ANKRD30B: variants seen among roughly 807,000 people sequenced by gnomAD.
The protein encoded by ANKRD30B is ankyrin repeat domain-containing protein 30B.
Under a neutral mutation model 202.2 loss-of-function variants are expected in ANKRD30B, and 144 were observed. The observed-to-expected ratio is 0.71, with a 90% CI of 0.62 to 0.82. The LOEUF is 0.82. ANKRD30B is among the 40% of genes least tolerant of loss of function. The pLI, the probability that ANKRD30B is intolerant of heterozygous loss-of-function variation, is 0.00. For missense variants in ANKRD30B, 1,487 were observed against 1,669.1 expected (o/e 0.89, Z 1.90); for synonymous variants, 508 against 561.3 (o/e 0.91, Z 1.34).
intron 4 of ANKRD30B, among the ~76,000 whole-genome samples, chr18:14,756,433 C>T (rs1490944234): frequency 2.0e-5 from 3 of 152,122 alleles, no homozygotes; most frequent in African/African-American, 4.8e-5. Flanking sequence ...TCAATTTTGG[C>T]TTTTGTTGCC....
chr18:14,852,511 T>G lies in ANKRD30B; in HGVS notation c.4476+91T>G, dbSNP rs571585184. On this transcript the variant is annotated intron_variant, in intron 42 of 43. Transcript: ENST00000690538. ...GAATCTAGTTGAATATATATATATA[T>G]AAATAGATGATAAATGTACTTACTA... 7 of 1,361,246 alleles carry G rather than the reference T, an allele frequency of 5.1e-6. No individual in the cohort carries two copies. In the African/African-American group the frequency reaches 1.0e-4, roughly 20 times the overall value. The allele number at this position is 1,361,246 out of a possible 1,614,324, so 84.3% of individuals were successfully genotyped here. A position where few individuals can be genotyped will look rare whatever the true frequency, so the allele number is the denominator to read the frequency against.
chr18:14,893,158 C>A, the ANKRD30B span, among the ~76,000 whole-genome samples: 1 of 152,134 alleles, frequency 6.6e-6, no homozygotes, highest in Admixed American at 6.5e-5. Context: ...AGAATCAGTA[C>A]CTTATCAACC....
At chr18:14,869,660 C>T in the ANKRD30B span, among the ~76,000 whole-genome samples, 1 of 151,276 alleles carries the variant, frequency 6.6e-6, no homozygotes, top group South Asian at 2.1e-4. Context: ...GTATAATTAG[C>T]TGCTACATTG....
chr18:14,937,429 G>A, the ANKRD30B span, among the ~76,000 whole-genome samples: 2 of 123,232 alleles, frequency 1.6e-5, no homozygotes, highest in East Asian at 2.5e-4. Flanking sequence ...CCGCCGGTTT[G>A]TATAAGCAGG....
At chr18:14,777,544 C>T (rs1333384876) in intron 9 of ANKRD30B, among the ~76,000 whole-genome samples, 1 of 151,984 alleles carries the variant, frequency 6.6e-6, no homozygotes. Flanking sequence ...GATCCCCCCA[C>T]CTTGGCCTCC....
intron 4 of ANKRD30B, among the ~76,000 whole-genome samples, chr18:14,757,426 A>C (rs767337217): frequency 3.3e-5 from 5 of 152,224 alleles, no homozygotes; most frequent in Admixed American, 6.5e-5. Flanking sequence ...ACTACTACTA[A>C]TATCATTATT....
intron 9 of ANKRD30B, among the ~76,000 whole-genome samples, chr18:14,772,990 C>A (rs1328311096): frequency 6.6e-6 from 1 of 152,002 alleles, no homozygotes; most frequent in African/African-American, 2.4e-5. Flanking sequence ...AATGTAAATT[C>A]TGTTTCTCAG....
the ANKRD30B span, among the ~76,000 whole-genome samples, chr18:14,924,527 G>A: frequency 6.6e-6 from 1 of 152,218 alleles, no homozygotes; most frequent in African/African-American, 2.4e-5. Flanking sequence ...GGCATCTCAA[G>A]GGGGACTGTC....
At chr18:14,793,214 T>A (rs1241350024) in intron 16 of ANKRD30B, among the ~76,000 whole-genome samples, 1 of 152,022 alleles carries the variant, frequency 6.6e-6, no homozygotes, top group East Asian at 1.9e-4. Context: ...TCCAAGTATA[T>A]ATCCAAGCTG....
At chr18:14,874,118 G>A in the ANKRD30B span, among the ~76,000 whole-genome samples, 1 of 152,182 alleles carries the variant, frequency 6.6e-6, no homozygotes, top group African/African-American at 2.4e-5. Flanking sequence ...AATTAAGTGA[G>A]TTAATGCATG....
At chr18:14,907,576 C>T in the ANKRD30B span, among the ~76,000 whole-genome samples, 1 of 152,166 alleles carries the variant, frequency 6.6e-6, no homozygotes, top group Non-Finnish European at 1.5e-5. Flanking sequence ...ATGGACACGG[C>T]CTCCTCTGGG....
rs1396717210 is a variant in ANKRD30B, at chr18:14,782,591, T to A, written c.1547T>A (p.Met516Lys). Reference protein sequence around the residue: ...CIPESMYQKVMEINREVEELP... With the variant: ...CIPESMYQKVKEINREVEELP... ...CCTGAGTCTATGTATCAGAAAGTAA[T>A]GGAGATAAATAGAGAAGTAGAAGGT... The change falls in exon 12 of 44, where the codon ATG (methionine) becomes AAG (lysine). Residue 516 changes from methionine to lysine, a missense_variant. Coordinates refer to ENST00000690538, the MANE Select transcript of ANKRD30B (RefSeq NM_001367607.2). 6 of 1,581,460 alleles carry A rather than the reference T, an allele frequency of 3.8e-6. No individual in the cohort carries two copies. The highest frequency in any genetic ancestry group is 3.4e-6 in the Non-Finnish European group (4 of 1,168,148).
the ANKRD30B span, among the ~76,000 whole-genome samples, chr18:14,927,959 C>T: frequency 2.6e-5 from 4 of 151,936 alleles, no homozygotes; most frequent in South Asian, 2.1e-4. Context: ...GAAACAAGAC[C>T]GTGTGTGATG....
Position 14,752,943 on chromosome 18 carries a change from T to A in ANKRD30B, c.441T>A (p.Val147=), listed in dbSNP as rs1425033427. 1.9e-6 allele frequency: 3 copies of A among 1,603,766 alleles called. No homozygotes were observed. In the Admixed American group the frequency reaches 5.1e-5, roughly 27 times the overall value. Residue 147 remains valine (V), a synonymous_variant, in exon 3 of 44, where the codon GTT becomes GTA. Transcript: ENST00000690538. ...VYGNTALHYA[V]YSENLLMVAT... ...GCAACACGGCTCTCCATTATGCCGT[T>A]TATAGTGAGAATTTGTTAATGGTGG...
chr18:14,789,893 T>A (rs917347677), intron 15 of ANKRD30B, among the ~76,000 whole-genome samples: 1 of 152,208 alleles, frequency 6.6e-6, no homozygotes, highest in Non-Finnish European at 1.5e-5. Flanking sequence ...TGGTTACATA[T>A]GAACTTTAAA....
chr18:14,823,878 G>A (rs1970558550), intron 32 of ANKRD30B, among the ~76,000 whole-genome samples: 1 of 152,166 alleles, frequency 6.6e-6, no homozygotes, highest in Admixed American at 6.5e-5. Context: ...TTGAGGCTGA[G>A]GCAGGAGAAT....
intron 15 of ANKRD30B, 69 bp from the exon 16 acceptor site, chr18:14,791,332 G>C (rs888481592): frequency 2.6e-5 from 35 of 1,341,314 alleles, no homozygotes; most frequent in Non-Finnish European, 3.5e-5. Flanking sequence ...ATTCTAGTTA[G>C]AAAATTTTGA....
At chr18:14,931,937 C>G in the ANKRD30B span, among the ~76,000 whole-genome samples, 2 of 119,780 alleles carry the variant, frequency 1.7e-5, no homozygotes, top group South Asian at 3.0e-4. Flanking sequence ...CTGTCCCGGG[C>G]CCCCCACCCC....
chr18:14,779,723 T>C (rs1401026095), intron 10 of ANKRD30B, among the ~76,000 whole-genome samples: 1 of 145,662 alleles, frequency 6.9e-6, no homozygotes, highest in Admixed American at 7.1e-5. Flanking sequence ...AAATAATTAA[T>C]ACAAATTAGT....
Sources: allele counts gnomAD v4.1 joint callset (sites outside exome capture counted in the v4.1 genomes callset), GRCh38; gene constraint gnomAD v4.1.1; transcripts MANE v1.5; gene names NCBI Gene and HGNC (gene_info 2026-07-23, HGNC 2026-07-21).